KANK4: variants seen among roughly 807,000 people sequenced by gnomAD.
KANK4 encodes KN motif and ankyrin repeat domain-containing protein 4.
A neutral mutation model predicts 80.8 loss-of-function variants in KANK4; 50 were observed. The observed-to-expected ratio is 0.62, with a 90% confidence interval of 0.49 to 0.78. KANK4 has a LOEUF of 0.78. KANK4 is among the 30% of genes least tolerant of loss of function. The probability of loss-of-function intolerance (pLI) is 0.00; values close to 1 mark genes in which losing one functional copy is unlikely to be tolerated. For synonymous variants in KANK4, 465 were observed against 506.9 expected, an observed-to-expected ratio of 0.92 and a Z score of 1.11; for missense variants, 1,196 against 1,240.1, an observed-to-expected ratio of 0.96 and a Z score of 0.53.
intron 1 of KANK4, among the ~76,000 whole-genome samples, chr1:62,317,635 G>A (rs969476034): frequency 6.6e-6 from 1 of 152,186 alleles, no homozygotes; most frequent in Non-Finnish European, 1.5e-5. Context: ...CCTCTCACAC[G>A]CGGCTACTTC....
intron 9 of KANK4, among the ~76,000 whole-genome samples, chr1:62,244,797 C>T (rs1275787798): frequency 2.0e-5 from 3 of 152,316 alleles, no homozygotes; most frequent in South Asian, 2.1e-4. Context: ...CTCAAGCAAT[C>T]GTCCTGACTT....
chr1:62,297,619 A>T (rs1571037934), intron 1 of KANK4, among the ~76,000 whole-genome samples: 1 of 152,240 alleles, frequency 6.6e-6, no homozygotes, highest in Non-Finnish European at 1.5e-5. Flanking sequence ...ATTAAATTCC[A>T]CCACCAGCCA....
intron 1 of KANK4, among the ~76,000 whole-genome samples, chr1:62,288,661 C>T (rs1672619692): frequency 6.7e-6 from 1 of 149,776 alleles, no homozygotes; most frequent in Non-Finnish European, 1.5e-5. Context: ...ATGTAATTTT[C>T]TGAGGGAAGA....
chr1:62,277,401 T>A (rs1275672725), intron 2 of KANK4, among the ~76,000 whole-genome samples: 2 of 152,132 alleles, frequency 1.3e-5, no homozygotes, highest in African/African-American at 4.8e-5. Flanking sequence ...CACCACCAAT[T>A]CCTACCCCCT....
chr1:62,271,701 G>A, intron 3 of KANK4, 112 bp from the exon 4 acceptor site: 7 of 721,680 alleles, frequency 9.7e-6, no homozygotes, highest in Non-Finnish European at 1.5e-5. Flanking sequence ...GGAGAGGTAA[G>A]GAGGGACAGG....
intron 1 of KANK4, among the ~76,000 whole-genome samples, chr1:62,297,845 T>C (rs1414412232): frequency 6.6e-6 from 1 of 152,252 alleles, no homozygotes; most frequent in Non-Finnish European, 1.5e-5. Flanking sequence ...TTTAACCAGA[T>C]AGCAGCAGTT....
rs1671502450 is a variant in KANK4 at position 62,247,633 on chromosome 1, T to C, written c.2722A>G (p.Arg908Gly). Residue 908 changes from arginine to glycine, a missense_variant, in exon 9 of 10, where the codon AGG (arginine) becomes GGG (glycine). Arg to Gly is a moderately radical substitution (Grantham distance 125). Transcript: ENST00000371153. ...TALMLGVSHD[R>G]EDMVQALLSC... ...AGCAGCGCTTGAACCATGTCCTCCC[T>C]GTCGTGGCTGACTCCCAGCATCAGC... The C allele has an allele frequency of 6.2e-7, 1 of 1,613,860 alleles. No individual in the cohort carries two copies. The highest frequency in any genetic ancestry group is 8.5e-7 in the Non-Finnish European group (1 of 1,180,026).
At chr1:62,258,049 G>A (rs1286328652) in intron 7 of KANK4, among the ~76,000 whole-genome samples, 2 of 152,102 alleles carry the variant, frequency 1.3e-5, no homozygotes, top group African/African-American at 2.4e-5. Context: ...GCATAGATAG[G>A]GTAGTAGAAA....
At position 62,236,657 on chromosome 1, in the gene KANK4, C is replaced by T. The variant is rs1224527544; in HGVS notation, c.*1620G>A. Among the ~76,000 whole-genome samples, 1 of 146,940 alleles carries T rather than the reference C, an allele frequency of 6.8e-6. No individual in the cohort carries two copies. The highest frequency in any genetic ancestry group is 2.0e-4 in the East Asian group (1 of 5,030). ...TTACCCAGGCTGGAGTGCAATGGCA[C>T]GATCTCGGCTCACTGAAACCTCCGC... is the stretch of plus-strand genomic sequence containing the variant. On this transcript the variant is annotated 3_prime_UTR_variant, in exon 10 of 10. Transcript: ENST00000371153.
chr1:62,255,046 C>T (rs780039315), intron 7 of KANK4, among the ~76,000 whole-genome samples: 13 of 150,220 alleles, frequency 8.7e-5, no homozygotes, highest in Non-Finnish European at 1.5e-4. Flanking sequence ...CCACCATGCC[C>T]GGCTAATTTT....
chr1:62,298,616 C>G (rs1644386487), intron 1 of KANK4, among the ~76,000 whole-genome samples: 1 of 152,176 alleles, frequency 6.6e-6, no homozygotes, highest in African/African-American at 2.4e-5. Flanking sequence ...ACCGTGTGAC[C>G]TTGGGTAAGT....
In KANK4 at chr1:62,268,271, G is replaced by C; in HGVS notation, c.2231+16C>G. The C allele has an allele frequency of 6.2e-7, 1 of 1,604,344 alleles. No individual in the cohort carries two copies. Among genetic ancestry groups the C allele is most frequent in the Non-Finnish European group, 8.5e-7 (1 of 1,172,218 alleles). ...TTCAGAGGAACAAGTGCCCGCGTTT[G>C]TGTCCATTTGCTCACCTCTCGGCCT... On this transcript the variant is annotated intron_variant, in intron 5 of 9. Transcript: ENST00000371153.
At chr1:62,266,131 A>C (rs1672012704) in intron 6 of KANK4, among the ~76,000 whole-genome samples, 1 of 152,102 alleles carries the variant, frequency 6.6e-6, no homozygotes, top group Non-Finnish European at 1.5e-5. Flanking sequence ...GATGACAGAC[A>C]CTCATGGTGC....
At chr1:62,312,137 T>A (rs1032627253) in intron 1 of KANK4, among the ~76,000 whole-genome samples, 5 of 152,136 alleles carry the variant, frequency 3.3e-5, no homozygotes, top group South Asian at 4.2e-4. Context: ...ATTAATAAAA[T>A]TTTTTAAATT....
chr1:62,277,168 G>A (rs1389927460), intron 2 of KANK4, among the ~76,000 whole-genome samples: 1 of 152,210 alleles, frequency 6.6e-6, no homozygotes, highest in Admixed American at 6.5e-5. Context: ...GTGAGATAGG[G>A]AGAGTAACAG....
At chr1:62,304,556 C>A (rs1557508507) in intron 1 of KANK4, among the ~76,000 whole-genome samples, 1 of 151,890 alleles carries the variant, frequency 6.6e-6, no homozygotes, top group Non-Finnish European at 1.5e-5. Context: ...CTCCTGTCTG[C>A]CCCCTCCACT....
chr1:62,270,390 T>G lies in KANK4; in HGVS notation c.2012+1088A>C, dbSNP rs184216063. Among the ~76,000 whole-genome samples the G allele has an allele frequency of 2.0e-5, 3 of 151,828 alleles. No homozygotes were observed. In the East Asian group the frequency reaches 5.8e-4, roughly 29 times the overall value. Reference sequence around the variant, plus strand: ...TCATTTTTTTTCTTTGCTTTGCTTTTTTTTTTTTTAAGACTGAGTCTCGCT... The same window carrying G: ...TCATTTTTTTTCTTTGCTTTGCTTTGTTTTTTTTTAAGACTGAGTCTCGCT... On this transcript the variant is annotated intron_variant, in intron 4 of 9. Coordinates refer to ENST00000371153, the MANE Select transcript of KANK4 (RefSeq NM_181712.5).
chr1:62,251,991 C>CAAA (rs11454026), intron 8 of KANK4, among the ~76,000 whole-genome samples: 10 of 125,774 alleles, frequency 8.0e-5, no homozygotes, highest in East Asian at 2.3e-4. Flanking sequence ...GACTCCGTTT[C>CAAA]AAAAAAAAAA....
chr1:62,279,229 C>T (rs923295092), intron 2 of KANK4, among the ~76,000 whole-genome samples: 1 of 151,846 alleles, frequency 6.6e-6, no homozygotes, highest in Non-Finnish European at 1.5e-5. Context: ...CACACACACA[C>T]ACACACACAC....
Sources: allele counts gnomAD v4.1 joint callset (sites outside exome capture counted in the v4.1 genomes callset), GRCh38; gene constraint gnomAD v4.1.1; transcripts MANE v1.5; gene names NCBI Gene and HGNC (gene_info 2026-07-23, HGNC 2026-07-21).